Variants in GRXCR1 observed in about 807,000 individuals in gnomAD.
The protein encoded by GRXCR1 is glutaredoxin and cysteine rich domain containing 1.
In GRXCR1, 27 loss-of-function variants were observed where a neutral mutation model predicts 27.3. The ratio of observed to expected loss-of-function variants is 0.99; its 90% CI spans 0.73 to 1.37. GRXCR1 has a LOEUF of 1.37. Ranked by LOEUF, GRXCR1 falls within the 40% of genes most tolerant of loss-of-function variation. The probability of loss-of-function intolerance (pLI) is 0.00; values close to 1 mark genes in which losing one functional copy is unlikely to be tolerated. For synonymous variants in GRXCR1, 122 were observed against 131.1 expected, an observed-to-expected ratio of 0.93 and a Z score of 0.47; for missense variants, 379 against 354.4, an observed-to-expected ratio of 1.07 and a Z score of -0.56.
At chr4:42,922,366 A>G (rs1747034792) in intron 1 of GRXCR1, among the ~76,000 whole-genome samples, 1 of 152,032 alleles carries the variant, frequency 6.6e-6, no homozygotes, top group Non-Finnish European at 1.5e-5. Context: ...AGCCTAGTTG[A>G]CATTTTCAAG....
At position 42,945,728 on chromosome 4, in the gene GRXCR1, G is replaced by A. The variant is rs1747728506; in HGVS notation, c.385-17164G>A. On this transcript the variant is annotated intron_variant, in intron 1 of 3. Transcript: ENST00000399770. ...ACAGGCTTGGCTTTCTTCAGCCATG[G>A]TTAACATCTGCACAAGCATTTAACC... Among the ~76,000 whole-genome samples, 4 of 152,078 alleles carry A rather than the reference G, an allele frequency of 2.6e-5. No homozygotes were observed. The South Asian group carries it at 8.3e-4, about 32-fold the overall frequency.
intron 1 of GRXCR1, among the ~76,000 whole-genome samples, chr4:42,961,907 T>C (rs931028019): frequency 6.6e-6 from 1 of 151,872 alleles, no homozygotes; most frequent in Non-Finnish European, 1.5e-5. Flanking sequence ...TCCACAGGGG[T>C]TTTGCAAATT....
chr4:42,953,366 A>G lies in GRXCR1; in HGVS notation c.385-9526A>G, dbSNP rs547990608. Among the ~76,000 whole-genome samples the G allele has an allele frequency of 2.6e-5, 4 of 152,262 alleles. No homozygotes were observed. The East Asian group carries it at 7.7e-4, about 29-fold the overall frequency. ...TCTTCCACCCGGCCCTTGCTCTTTT[A>G]GGATGTTTACCCTTTGAACCTGACA... On this transcript the variant is annotated intron_variant, in intron 1 of 3. Transcript: ENST00000399770.
chr4:42,917,492 A>G (rs1746911326), intron 1 of GRXCR1, among the ~76,000 whole-genome samples: 1 of 152,168 alleles, frequency 6.6e-6, no homozygotes. Flanking sequence ...GAGACTCACC[A>G]GAGAGGACTT....
At chr4:43,002,352 C>T (rs1421294702) in intron 2 of GRXCR1, among the ~76,000 whole-genome samples, 2 of 152,228 alleles carry the variant, frequency 1.3e-5, no homozygotes, top group Non-Finnish European at 2.9e-5. Flanking sequence ...GCATTGTGCC[C>T]CTGGTTTATT....
intron 1 of GRXCR1, among the ~76,000 whole-genome samples, chr4:42,915,369 C>A (rs890088039): frequency 6.6e-6 from 1 of 152,130 alleles, no homozygotes; most frequent in Non-Finnish European, 1.5e-5. Flanking sequence ...CTTGCACTGA[C>A]TATTTTTCCT....
chr4:42,966,986 G>A (rs1748252439), intron 2 of GRXCR1, among the ~76,000 whole-genome samples: 1 of 151,850 alleles, frequency 6.6e-6, no homozygotes, highest in Admixed American at 6.6e-5. Context: ...TCTTAAGTCT[G>A]TGGCTTGTCT....
chr4:43,020,448 A>C, intron 3 of GRXCR1, 29 bp downstream of exon 3: 1 of 1,382,934 alleles, frequency 7.2e-7, no homozygotes. Flanking sequence ...ACTTAGTTTT[A>C]GTAATCAAAA....
intron 1 of GRXCR1, among the ~76,000 whole-genome samples, chr4:42,921,617 G>T (rs1377340785): frequency 6.6e-6 from 1 of 151,984 alleles, no homozygotes; most frequent in East Asian, 1.9e-4. Flanking sequence ...TATTTAGTGT[G>T]AATTTGGTGA....
intron 1 of GRXCR1, among the ~76,000 whole-genome samples, chr4:42,959,521 TTG>T (rs1748082495): frequency 6.6e-6 from 1 of 151,924 alleles, no homozygotes; most frequent in Non-Finnish European, 1.5e-5. Flanking sequence ...TATTCAAAAT[TTG>T]CTAAAAGAAT....
intron 2 of GRXCR1, among the ~76,000 whole-genome samples, chr4:42,987,228 A>ATTATATATATATATG (rs1553943918): frequency 1.1e-5 from 1 of 91,918 alleles, no homozygotes; most frequent in Non-Finnish European, 2.1e-5. Context: ...TATATTATAT[A>ATTATATATATATATG]TTATATATAT....
intron 1 of GRXCR1, among the ~76,000 whole-genome samples, chr4:42,925,239 G>A (rs1266258405): frequency 1.3e-5 from 2 of 151,972 alleles, no homozygotes; most frequent in Non-Finnish European, 2.9e-5. Flanking sequence ...GAAGGTGGAA[G>A]GAAATTTAAT....
At chr4:42,897,186 A>G (rs533293006) in intron 1 of GRXCR1, among the ~76,000 whole-genome samples, 1 of 152,298 alleles carries the variant, frequency 6.6e-6, no homozygotes, top group Admixed American at 6.5e-5. Context: ...TTTGAGATAT[A>G]CTTTGCTGTT....
intron 2 of GRXCR1, 119 bp from the exon 3 acceptor site, chr4:43,020,235 C>G: frequency 1.4e-6 from 1 of 723,950 alleles, no homozygotes; most frequent in Non-Finnish European, 2.5e-6. Flanking sequence ...TACATTTACT[C>G]AGCTCCAAAG....
chr4:42,893,708 C>T (rs1746286103), intron 1 of GRXCR1, 58 bp downstream of exon 1: 2 of 1,510,572 alleles, frequency 1.3e-6, no homozygotes, highest in Non-Finnish European at 1.8e-6. Flanking sequence ...ATCTGAACAC[C>T]TCTCAGTTCT....
intron 2 of GRXCR1, among the ~76,000 whole-genome samples, chr4:43,016,236 G>A (rs539370461): frequency 1.2e-4 from 19 of 152,280 alleles, no homozygotes; most frequent in African/African-American, 4.3e-4. Context: ...GACTCTGCTA[G>A]GATGTTTTAT....
chr4:42,931,238 G>A (rs1747297942), intron 1 of GRXCR1, among the ~76,000 whole-genome samples: 1 of 151,952 alleles, frequency 6.6e-6, no homozygotes, highest in Non-Finnish European at 1.5e-5. Context: ...TAAGTAAAAT[G>A]TACAGTCAGT....
chr4:42,981,127 G>T (rs1748655375), intron 2 of GRXCR1, among the ~76,000 whole-genome samples: 2 of 146,022 alleles, frequency 1.4e-5, no homozygotes, highest in Admixed American at 6.8e-5. Flanking sequence ...GTCTTCCTTT[G>T]TAGCTTAATG....
chr4:43,003,702 C>T (rs890361720), intron 2 of GRXCR1, among the ~76,000 whole-genome samples: 4 of 152,158 alleles, frequency 2.6e-5, no homozygotes, highest in Non-Finnish European at 5.9e-5. Flanking sequence ...TTTACAGCAT[C>T]TGGCAGAAGA....
Sources: allele counts gnomAD v4.1 joint callset (sites outside exome capture counted in the v4.1 genomes callset), GRCh38; gene constraint gnomAD v4.1.1; transcripts MANE v1.5; gene names NCBI Gene and HGNC (gene_info 2026-07-23, HGNC 2026-07-21).